The following JARID2 variants were observed in gnomAD, a reference collection of about 807,000 sequenced individuals.
JARID2 encodes the protein jumonji and AT-rich interaction domain containing 2.
In JARID2, 21 loss-of-function variants were observed where a neutral mutation model predicts 125.6. That is an observed-to-expected ratio of 0.17 (90% CI 0.12 to 0.24). The LOEUF (loss-of-function observed/expected upper bound fraction) is 0.24, where lower values mean the gene tolerates loss of function less well. Ranked by LOEUF, JARID2 falls within the 10% of genes least tolerant of loss-of-function variation. The pLI is 1.00. For synonymous variants in JARID2, 736 were observed against 661.6 expected, an observed-to-expected ratio of 1.11 and a Z score of -1.73; for missense variants, 1,303 against 1,639.6, an observed-to-expected ratio of 0.79 and a Z score of 3.55.
chr6:15,450,215 G>C (rs1300821020), intron 3 of JARID2, among the ~76,000 whole-genome samples: 1 of 152,006 alleles, frequency 6.6e-6, no homozygotes, highest in Non-Finnish European at 1.5e-5. Context: ...TGTTGCCCAG[G>C]CTGGAGTGCA....
At chr6:15,420,369 C>T (rs1766429297) in intron 3 of JARID2, among the ~76,000 whole-genome samples, 1 of 149,722 alleles carries the variant, frequency 6.7e-6, no homozygotes, top group Non-Finnish European at 1.5e-5. Context: ...CACCACTGCA[C>T]TACAGCCTGG....
intron 5 of JARID2, among the ~76,000 whole-genome samples, chr6:15,480,998 T>G (rs1353295504): frequency 6.6e-6 from 1 of 152,248 alleles, no homozygotes; most frequent in Non-Finnish European, 1.5e-5. Context: ...TGAATTCCCC[T>G]AGGAAAGTGT....
chr6:15,488,696 A>T (rs575170966), intron 6 of JARID2, among the ~76,000 whole-genome samples: 1 of 152,292 alleles, frequency 6.6e-6, no homozygotes, highest in Admixed American at 6.5e-5. Context: ...ACACATAGGC[A>T]GACAGGTATG....
intron 1 of JARID2, among the ~76,000 whole-genome samples, chr6:15,328,285 A>C (rs1304480447): frequency 1.3e-5 from 2 of 152,140 alleles, no homozygotes; most frequent in South Asian, 2.1e-4. Flanking sequence ...AAATTCTCCA[A>C]AACATAGTAA....
chr6:15,248,914 A>C, intron 1 of JARID2: 1 of 985,584 alleles, frequency 1.0e-6, no homozygotes, highest in Non-Finnish European at 1.2e-6. Context: ...AAGAGGAGGA[A>C]GATGCGCTCG....
In JARID2 at chr6:15,496,160, T is replaced by C. The variant is rs138993031; in HGVS notation, c.935T>C (p.Met312Thr). Residue 312 changes from methionine (M) to threonine (T), a missense_variant, in exon 7 of 18, where the codon ATG becomes ACG. Around this residue, in one of 11 missense-constraint regions of JARID2, gnomAD observed 651 missense variants for 581.6 expected, o/e 1.12. Coordinates refer to ENST00000341776, the MANE Select transcript of JARID2 (RefSeq NM_004973.4). ...TCTAAGGTAAACGGAGTCACTCGAA[T>C]GTCATCTCTGGGTGCAGGTGTAACC... ...QVSKVNGVTR[M>T]SSLGAGVTSA... is the part of the protein sequence containing the mutation. 28 of 1,613,600 alleles carry C rather than the reference T, an allele frequency of 1.7e-5. No individual in the cohort carries two copies. Among genetic ancestry groups the C allele is most frequent in the African/African-American group, 2.7e-5 (2 of 75,016 alleles).
At chr6:15,258,068 C>A (rs1077080) in intron 1 of JARID2, among the ~76,000 whole-genome samples, 70,256 of 151,956 alleles carry the variant, frequency 0.46, 16,965 homozygotes, top group African/African-American at 0.61. Flanking sequence ...AAGATGACCC[C>A]CAATCACATT....
At chr6:15,282,949 C>T (rs1287359033) in intron 1 of JARID2, among the ~76,000 whole-genome samples, 1 of 151,334 alleles carries the variant, frequency 6.6e-6, no homozygotes, top group African/African-American at 2.4e-5. Flanking sequence ...ACTTCATGTT[C>T]CTGAAATCTA....
At chr6:15,493,915 G>A (rs1271904610) in intron 6 of JARID2, among the ~76,000 whole-genome samples, 1 of 151,694 alleles carries the variant, frequency 6.6e-6, no homozygotes. Flanking sequence ...TCATTGCCAG[G>A]TGCTTTTTTT....
At chr6:15,368,286 GAAAAT>G (rs1764046498) in intron 1 of JARID2, among the ~76,000 whole-genome samples, 1 of 152,046 alleles carries the variant, frequency 6.6e-6, no homozygotes, top group Admixed American at 6.6e-5. Flanking sequence ...AGCATCACAG[GAAAAT>G]AAAATTGTAT....
intron 4 of JARID2, among the ~76,000 whole-genome samples, chr6:15,460,861 C>T (rs1019817922): frequency 4.6e-5 from 7 of 152,204 alleles, no homozygotes; most frequent in African/African-American, 1.4e-4. Flanking sequence ...TGCCCCACCA[C>T]ACCCAGCTAA....
intron 1 of JARID2, among the ~76,000 whole-genome samples, chr6:15,351,796 G>A (rs2127482548): frequency 6.6e-6 from 1 of 152,264 alleles, no homozygotes; most frequent in South Asian, 2.1e-4. Flanking sequence ...TTTGGCATCT[G>A]TAGCTGCTTC....
chr6:15,512,471 T>C, intron 14 of JARID2, 81 bp downstream of exon 14: 1 of 1,254,210 alleles, frequency 8.0e-7, no homozygotes, highest in Non-Finnish European at 1.1e-6. Flanking sequence ...GAAGCATCCC[T>C]GCGTGTGCGT....
intron 2 of JARID2, chr6:15,400,769 C>A (rs1485820777): frequency 2.7e-5 from 27 of 984,380 alleles, no homozygotes; most frequent in African/African-American, 5.2e-5. Flanking sequence ...CTCCCCTCCC[C>A]CTCGGCCCCA....
At chr6:15,402,986 G>T (rs190514701) in intron 2 of JARID2, among the ~76,000 whole-genome samples, 20 of 152,202 alleles carry the variant, frequency 1.3e-4, no homozygotes, top group African/African-American at 4.8e-4. Context: ...AGCATCGTGG[G>T]TGTTTATAAT....
intron 3 of JARID2, among the ~76,000 whole-genome samples, chr6:15,443,208 G>A (rs572188499): frequency 9.9e-4 from 151 of 152,256 alleles, no homozygotes; most frequent in African/African-American, 3.5e-3. Flanking sequence ...GTTTGGATTT[G>A]CAAGGCTTGC....
At chr6:15,400,337 C>T (rs1247604492) in intron 2 of JARID2, among the ~76,000 whole-genome samples, 1 of 152,068 alleles carries the variant, frequency 6.6e-6, no homozygotes, top group Non-Finnish European at 1.5e-5. Flanking sequence ...GAGATTTCTG[C>T]AGTCTGTCTG....
chr6:15,433,318 G>C (rs1008236344), intron 3 of JARID2, among the ~76,000 whole-genome samples: 23 of 151,962 alleles, frequency 1.5e-4, no homozygotes, highest in Admixed American at 3.9e-4. Flanking sequence ...AGAAAGAAAA[G>C]TAATAATGTC....
At chr6:15,353,491 A>G (rs982914483) in intron 1 of JARID2, among the ~76,000 whole-genome samples, 3 of 152,218 alleles carry the variant, frequency 2.0e-5, no homozygotes, top group African/African-American at 7.2e-5. Context: ...AAAAAATATC[A>G]TTATCGAGGA....
Sources: gnomAD v4.1 joint callset for allele counts (sites outside exome capture counted in the v4.1 genomes callset) on GRCh38, gnomAD v4.1.1 for gene constraint, gnomAD v4.1.1 regional missense constraint, MANE v1.5 for transcripts, NCBI Gene and HGNC (gene_info 2026-07-23, HGNC 2026-07-21) for gene names.